PNMT: variants seen among roughly 807,000 people sequenced by gnomAD.
The protein encoded by PNMT is noradrenaline N-methyltransferase.
A neutral mutation model predicts 18.9 loss-of-function variants in PNMT; 18 were observed. The observed-to-expected ratio is 0.95, with a 90% CI of 0.66 to 1.41. The LOEUF (loss-of-function observed/expected upper bound fraction) is 1.41, where lower values mean the gene tolerates loss of function less well. Ranked by LOEUF, PNMT falls within the 40% of genes most tolerant of loss-of-function variation. PNMT has a pLI of 0.00. For synonymous variants in PNMT, 167 were observed against 168.6 expected (o/e 0.99, Z 0.08); for missense variants, 378 against 387.0 (o/e 0.98, Z 0.20).
chr17:39,668,104 G>T, upstream of PNMT: 1 of 224,612 alleles, frequency 4.5e-6, no homozygotes, highest in Non-Finnish European at 8.6e-6. Context: ...GAAGAGAGAT[G>T]GGAGGGGCCG....
At position 39,668,668 on chromosome 17, in the gene PNMT, T is replaced by C; in HGVS notation, c.193T>C (p.Phe65Leu). Reference sequence around the variant, plus strand: ...GAAGCTGCGCTGCTTGGCGCAGACCTTCGCCACCGGTGAGCGGGGGAAACT... The same window carrying C: ...GAAGCTGCGCTGCTTGGCGCAGACCCTCGCCACCGGTGAGCGGGGGAAACT... The part of the protein sequence containing the change: ...PWKLRCLAQT[F>L]ATGEVSGRTL... Residue 65 changes from phenylalanine (F) to leucine (L), a missense_variant, in exon 1 of 3, where the codon TTC becomes CTC. Coordinates refer to ENST00000269582, the MANE Select transcript of PNMT (RefSeq NM_002686.4). The C allele has an allele frequency of 6.3e-7, 1 of 1,575,636 alleles. No individual in the cohort carries two copies. Among genetic ancestry groups the C allele is most frequent in the East Asian group, 2.4e-5 (1 of 41,966 alleles).
At position 39,669,293 on chromosome 17, in the gene PNMT, G is replaced by A. The variant is rs56678809; in HGVS notation, c.203-336G>A. On this transcript the variant is annotated intron_variant, in intron 1 of 2. Coordinates refer to ENST00000269582, the MANE Select transcript of PNMT (RefSeq NM_002686.4). ...AGACGGGACTTCTCCATGTTGGTCA[G>A]GCTGGTCTCGAACTCCCAACCTTAG... Among the ~76,000 whole-genome samples, 1,399 of 152,196 alleles carry A rather than the reference G, an allele frequency of 9.2e-3. 23 individuals are homozygous for A. Among genetic ancestry groups the A allele is most frequent in the African/African-American group, 0.032 (1,318 of 41,510 alleles).
chr17:39,668,496 C>G lies in PNMT; in HGVS notation c.21C>G (p.Ser7Arg). 6.6e-7 allele frequency: 1 copy of G among 1,522,946 alleles called. No homozygotes were observed. The highest frequency in any genetic ancestry group is 2.5e-5 in the East Asian group (1 of 40,016). 94.3% of individuals were successfully genotyped at this position (1,522,946 alleles called of 1,614,324 possible). The change falls in exon 1 of 3, where the codon AGC (serine) becomes AGG (arginine). Residue 7 changes from serine (S) to arginine (R), a missense_variant. By Grantham distance (110) the Ser-to-Arg change is moderately radical (BLOSUM62 -1). Coordinates refer to ENST00000269582, the MANE Select transcript of PNMT (RefSeq NM_002686.4). ...GCAGCATGAGCGGCGCAGACCGTAG[C>G]CCCAATGCGGGCGCAGCCCCTGACT... MSGADR[S>R]PNAGAAPDSA...
rs1567866524 is a variant in PNMT at position 39,668,550 on chromosome 17, G to C, written c.75G>C (p.Ser25=). The change falls in exon 1 of 3, where the codon TCG becomes TCC. Residue 25 remains serine, a synonymous_variant. Transcript: ENST00000269582. ...CCCCGGGCCAGGCGGCGGTGGCTTC[G>C]GCCTACCAGCGCTTCGAGCCGCGCG... is the stretch of plus-strand genomic sequence containing the variant. ...DSAPGQAAVA[S]AYQRFEPRAY... 5.8e-6 allele frequency: 9 copies of C among 1,559,110 alleles called. No individual in the cohort carries two copies. The highest frequency in any genetic ancestry group is 1.9e-5 in the Admixed American group (1 of 53,746).
Position 39,669,540 on chromosome 17 carries a change from G to A in PNMT, c.203-89G>A, listed in dbSNP as rs938053443. ...AGAGGAGAAGGAAGAACTAGAGAGA[G>A]GCAGGGAGATGCAGGGGAGGGAAGG... On this transcript the variant is annotated intron_variant, in intron 1 of 2. Coordinates refer to ENST00000269582, the MANE Select transcript of PNMT (RefSeq NM_002686.4). The A allele has an allele frequency of 7.9e-6, 7 of 881,142 alleles. No individual in the cohort carries two copies. In the African/African-American group the frequency reaches 1.2e-4, roughly 14 times the overall value. The allele number at this position is 881,142 out of a possible 1,614,324, so 54.6% of individuals were successfully genotyped here.
At position 39,669,657 on chromosome 17, in the gene PNMT, C is replaced by T; in HGVS notation, c.231C>T (p.Asp77=). ...TGEVSGRTLI[D]IGSGPTVYQL... ...AAGTGTCCGGACGCACCCTCATCGA[C>T]ATTGGTTCAGGCCCCACCGTGTACC... Residue 77 remains aspartate (D), a synonymous_variant, in exon 2 of 3, where the codon GAC becomes GAT. Transcript: ENST00000269582. 6.2e-7 allele frequency: 1 copy of T among 1,614,114 alleles called. No individual in the cohort carries two copies.
At chr17:39,668,929 G>C (rs1318288294) in intron 1 of PNMT, among the ~76,000 whole-genome samples, 5 of 152,078 alleles carry the variant, frequency 3.3e-5, no homozygotes, top group African/African-American at 4.8e-5. Flanking sequence ...GGGGGATGCA[G>C]GACAGACTGA....
upstream of PNMT, chr17:39,668,125 G>T (rs1422612724): frequency 1.2e-5 from 3 of 260,460 alleles, no homozygotes; most frequent in Admixed American, 5.6e-5. Flanking sequence ...GCCGGCGGGG[G>T]TGAGGGGGTC....
chr17:39,669,117 G>A (rs1282215060), intron 1 of PNMT, among the ~76,000 whole-genome samples: 3 of 151,840 alleles, frequency 2.0e-5, no homozygotes, highest in South Asian at 4.2e-4. Context: ...TTTCGCTCTT[G>A]TTGCCCAGGC....
chr17:39,668,447 C>A, upstream of PNMT: 1 of 1,353,992 alleles, frequency 7.4e-7, no homozygotes, highest in Non-Finnish European at 9.5e-7. Flanking sequence ...GCGAGGCGAG[C>A]GGGGCACTGG....
Position 39,668,572 on chromosome 17 carries a change from C to T in PNMT, c.97C>T (p.Arg33Cys), listed in dbSNP as rs1444312909. The change falls in exon 1 of 3, where the codon CGC becomes TGC. Residue 33 changes from arginine to cysteine, a missense_variant. Transcript: ENST00000269582. ...TTCGGCCTACCAGCGCTTCGAGCCG[C>T]GCGCCTACCTCCGCAACAACTACGC... ...VASAYQRFEP[R>C]AYLRNNYAPP... 2 of 1,590,682 alleles carry T rather than the reference C, an allele frequency of 1.3e-6. No individual in the cohort carries two copies. The highest frequency in any genetic ancestry group is 2.3e-5 in the East Asian group (1 of 44,276).
rs991351124 is a variant in PNMT, at chr17:39,668,554, T to C, written c.79T>C (p.Tyr27His). ...GGGCCAGGCGGCGGTGGCTTCGGCC[T>C]ACCAGCGCTTCGAGCCGCGCGCCTA... The part of the protein sequence containing the change: ...APGQAAVASA[Y>H]QRFEPRAYLR... Residue 27 changes from tyrosine (Y) to histidine (H), a missense_variant, in exon 1 of 3, where the codon TAC (tyrosine) becomes CAC (histidine). Transcript: ENST00000269582. 1.3e-6 allele frequency: 2 copies of C among 1,566,812 alleles called. No individual in the cohort carries two copies. Among genetic ancestry groups the C allele is most frequent in the South Asian group, 2.3e-5 (2 of 86,246 alleles).
rs112440947 is a variant in PNMT, at chr17:39,669,823, A to G, written c.397A>G (p.Ile133Val). The part of the protein sequence containing the change: ...WSMYSQHACL[I>V]EGKGECWQDK... ...CATGTACAGCCAACATGCCTGCCTC[A>G]TTGAGGGCAAGGGGTAAGGACTGGG... Residue 133 changes from isoleucine to valine, a missense_variant, in exon 2 of 3, where the codon ATT becomes GTT. Transcript: ENST00000269582. The G allele has an allele frequency of 3.7e-6, 6 of 1,613,414 alleles. No individual in the cohort carries two copies. In the African/African-American group the frequency reaches 8.0e-5, roughly 22 times the overall value.
At position 39,670,315 on chromosome 17, in the gene PNMT, C is replaced by T. The variant is rs749180585; in HGVS notation, c.775C>T (p.Pro259Ser). Residue 259 changes from proline (P) to serine (S), a missense_variant, in exon 3 of 3, where the codon CCT becomes TCT. Pro to Ser is a moderately conservative substitution (Grantham distance 74). Transcript: ENST00000269582. ...CCGGGACCTCCGCACCTATATCATGCCTGCCCACCTTCAGACAGGCGTAGA... is the reference window on the plus strand; with the variant it reads ...CCGGGACCTCCGCACCTATATCATGTCTGCCCACCTTCAGACAGGCGTAGA... ...KVRDLRTYIM[P>S]AHLQTGVDDV... 1.2e-6 allele frequency: 2 copies of T among 1,610,636 alleles called. No individual in the cohort carries two copies. The highest frequency in any genetic ancestry group is 1.7e-6 in the Non-Finnish European group (2 of 1,179,390).
upstream of PNMT, chr17:39,668,347 G>GGC: frequency 3.1e-6 from 2 of 649,786 alleles, no homozygotes; most frequent in Non-Finnish European, 4.7e-6. Flanking sequence ...GGGAGGATGC[G>GGC]GCGCACATGG....
chr17:39,668,630 G>A lies in PNMT; in HGVS notation c.155G>A (p.Gly52Asp). 1 of 1,603,206 alleles carries A rather than the reference G, an allele frequency of 6.2e-7. No homozygotes were observed. The change falls in exon 1 of 3, where the codon GGC (glycine) becomes GAC (aspartate). Residue 52 changes from glycine (G) to aspartate (D), a missense_variant. Physicochemically the swap from Gly to Asp is moderately conservative, Grantham distance 94. Coordinates refer to ENST00000269582, the MANE Select transcript of PNMT (RefSeq NM_002686.4). ...PPRGDLCNPNGVGPWKLRCLA... is the reference protein window; with the variant it reads ...PPRGDLCNPNDVGPWKLRCLA... ...CGCGGGGACCTGTGCAACCCGAACGGCGTCGGGCCGTGGAAGCTGCGCTGC... is the reference window on the plus strand; with the variant it reads ...CGCGGGGACCTGTGCAACCCGAACGACGTCGGGCCGTGGAAGCTGCGCTGC...
intron 1 of PNMT, 46 bp from the exon 2 acceptor site, chr17:39,669,583 G>A: frequency 6.8e-7 from 1 of 1,468,014 alleles, no homozygotes. Flanking sequence ...GGCAGGGGCT[G>A]CCTGGGCTGG....
intron 1 of PNMT, among the ~76,000 whole-genome samples, chr17:39,668,890 G>A (rs72554033): frequency 5.2e-4 from 78 of 150,474 alleles, no homozygotes; most frequent in Non-Finnish European, 8.7e-4. Context: ...GAGAGGGGGC[G>A]GAGAGTGCTC....
At position 39,669,612 on chromosome 17, in the gene PNMT, T is replaced by C; in HGVS notation, c.203-17T>C. 1 of 1,610,072 alleles carries C rather than the reference T, an allele frequency of 6.2e-7. No individual in the cohort carries two copies. Among genetic ancestry groups the C allele is most frequent in the Non-Finnish European group, 8.5e-7 (1 of 1,176,410 alleles). ...GGGCTGGCTGGCACCAGGACCCTCT[T>C]CCTCTGCCCTGCCCAGGTGAAGTGT... On this transcript the variant is annotated splice_polypyrimidine_tract_variant and intron_variant, in intron 1 of 2. Coordinates refer to ENST00000269582, the MANE Select transcript of PNMT (RefSeq NM_002686.4).
Sources: allele counts gnomAD v4.1 joint callset (sites outside exome capture counted in the v4.1 genomes callset), GRCh38; gene constraint gnomAD v4.1.1; transcripts MANE v1.5; gene names NCBI Gene and HGNC (gene_info 2026-07-23, HGNC 2026-07-21).